Variants in RTL4 observed in about 807,000 individuals in gnomAD.
RTL4 encodes the protein retrotransposon Gag-like protein 4.
In RTL4, 4 loss-of-function variants were observed where a neutral mutation model predicts 5.3. The observed-to-expected ratio is 0.75, with a 90% CI of 0.37 to 1.72. The LOEUF (loss-of-function observed/expected upper bound fraction) is 1.72, where lower values mean the gene tolerates loss of function less well. Ranked by LOEUF, RTL4 falls within the 40% of genes most tolerant of loss-of-function variation. RTL4 has a pLI of 0.04. For missense variants in RTL4, 260 were observed against 227.1 expected, an observed-to-expected ratio of 1.14 and a Z score of -0.93; for synonymous variants, 98 against 87.3, an observed-to-expected ratio of 1.12 and a Z score of -0.68.
At chrX:112,291,188 G>A in the RTL4 span, among the ~76,000 whole-genome samples, 1 of 110,430 alleles carries the variant, frequency 9.1e-6, no homozygotes, top group Non-Finnish European at 1.9e-5. Context: ...GGTGGAAGAG[G>A]TGTCCAAGTA....
At chrX:112,146,618 G>A in the RTL4 span, among the ~76,000 whole-genome samples, 1 of 110,415 alleles carries the variant, frequency 9.1e-6, no homozygotes, top group African/African-American at 3.3e-5. Flanking sequence ...GCAGGGAAAT[G>A]AGGAGGAAGC....
the RTL4 span, among the ~76,000 whole-genome samples, chrX:112,246,373 C>T: frequency 9.0e-6 from 1 of 111,572 alleles, no homozygotes; most frequent in Admixed American, 9.5e-5. Context: ...TTGGTCTCCA[C>T]CCAGTTTGAG....
chrX:112,303,060 G>A, the RTL4 span, among the ~76,000 whole-genome samples: 1 of 111,278 alleles, frequency 9.0e-6, no homozygotes, highest in Non-Finnish European at 1.9e-5. Context: ...TTTCTTAAGG[G>A]TTTAGTCCTT....
chrX:112,440,185 A>G, the RTL4 span, among the ~76,000 whole-genome samples: 1 of 112,179 alleles, frequency 8.9e-6, no homozygotes, highest in Admixed American at 9.4e-5. Context: ...TTCTTTAGCC[A>G]TCCCTAGAGA....
chrX:112,233,544 A>G, the RTL4 span, among the ~76,000 whole-genome samples: 1 of 111,359 alleles, frequency 9.0e-6, no homozygotes. Flanking sequence ...AGCAAAAGCA[A>G]TGTTTTTGGA....
chrX:112,308,176 G>C, the RTL4 span, among the ~76,000 whole-genome samples: 2 of 111,261 alleles, frequency 1.8e-5, no homozygotes, highest in Non-Finnish European at 3.8e-5. Context: ...GGTGAGCGGG[G>C]TTAGAAAAGC....
At chrX:112,408,622 C>T in the RTL4 span, among the ~76,000 whole-genome samples, 3 of 111,250 alleles carry the variant, frequency 2.7e-5, no homozygotes, top group Non-Finnish European at 5.7e-5. Flanking sequence ...CAGAGGCATT[C>T]CCAAACTTTG....
chrX:112,174,367 T>A, the RTL4 span, among the ~76,000 whole-genome samples: 1 of 100,667 alleles, frequency 9.9e-6, no homozygotes, highest in South Asian at 5.1e-4. Context: ...TTACTGAGAA[T>A]GATGATTTCC....
At chrX:112,307,142 T>C in the RTL4 span, among the ~76,000 whole-genome samples, 1 of 112,316 alleles carries the variant, frequency 8.9e-6, no homozygotes, top group African/African-American at 3.2e-5. Context: ...TTAACTGAGA[T>C]AATAATAGCA....
chrX:112,148,874 G>A, the RTL4 span, among the ~76,000 whole-genome samples: 1 of 111,644 alleles, frequency 9.0e-6, no homozygotes, highest in Non-Finnish European at 1.9e-5. Context: ...TTTTACCTGT[G>A]CCAGAAGCAG....
chrX:112,191,489 T>C, the RTL4 span, among the ~76,000 whole-genome samples: 1 of 111,860 alleles, frequency 8.9e-6, no homozygotes, highest in Non-Finnish European at 1.9e-5. Context: ...CAGAAAAGCC[T>C]AGACCCATTT....
At chrX:112,352,567 A>T in the RTL4 span, among the ~76,000 whole-genome samples, 1 of 111,441 alleles carries the variant, frequency 9.0e-6, no homozygotes, top group Non-Finnish European at 1.9e-5. Context: ...CCTGACAAAA[A>T]CAAGAAATGG....
the RTL4 span, among the ~76,000 whole-genome samples, chrX:112,118,424 C>G: frequency 2.3e-4 from 26 of 112,497 alleles, no homozygotes; most frequent in Admixed American, 6.6e-4. Context: ...AATAGGCTAC[C>G]TGATTGTCCT....
At chrX:112,201,645 T>A in the RTL4 span, among the ~76,000 whole-genome samples, 1 of 110,693 alleles carries the variant, frequency 9.0e-6, no homozygotes, top group Non-Finnish European at 1.9e-5. Flanking sequence ...AAATAGCTTC[T>A]GAAAAAAAAA....
the RTL4 span, among the ~76,000 whole-genome samples, chrX:112,274,025 A>G: frequency 1.8e-5 from 2 of 112,034 alleles, no homozygotes; most frequent in Admixed American, 9.4e-5. Context: ...GTACAGTATT[A>G]TCCCCATTTT....
At chrX:112,283,799 A>G in the RTL4 span, among the ~76,000 whole-genome samples, 599 of 110,428 alleles carry the variant, frequency 5.4e-3, 4 homozygotes, top group African/African-American at 0.019. Flanking sequence ...CCAGTTTCTC[A>G]TATTTTTATT....
the RTL4 span, among the ~76,000 whole-genome samples, chrX:112,369,689 G>T: frequency 8.9e-6 from 1 of 112,069 alleles, no homozygotes; most frequent in Non-Finnish European, 1.9e-5. Context: ...TATTTAAGGT[G>T]CTTAGGGGTT....
chrX:112,326,111 C>G, the RTL4 span, among the ~76,000 whole-genome samples: 611 of 111,978 alleles, frequency 5.5e-3, 5 homozygotes, highest in African/African-American at 0.019. Context: ...CATCTCACAC[C>G]AGTTAGAATG....
the RTL4 span, among the ~76,000 whole-genome samples, chrX:112,164,056 G>T: frequency 8.9e-6 from 1 of 111,862 alleles, no homozygotes; most frequent in Admixed American, 9.5e-5. Context: ...TAATTTTATA[G>T]CGAAGAAAAC....
Sources: allele counts gnomAD v4.1 joint callset (sites outside exome capture counted in the v4.1 genomes callset), GRCh38; gene constraint gnomAD v4.1.1; transcripts MANE v1.5; gene names NCBI Gene and HGNC (gene_info 2026-07-23, HGNC 2026-07-21).